LATS1: variants seen among roughly 807,000 people sequenced by gnomAD.
LATS1 encodes large tumor suppressor kinase 1.
A neutral mutation model predicts 106.6 loss-of-function variants in LATS1; 25 were observed. The observed-to-expected ratio is 0.23, with a 90% CI of 0.17 to 0.33. LATS1 has a LOEUF of 0.33. LATS1 is among the 10% of genes least tolerant of loss of function. The probability of loss-of-function intolerance (pLI) is 1.00; values close to 1 mark genes in which losing one functional copy is unlikely to be tolerated. For missense variants in LATS1, 1,040 were observed against 1,382.6 expected (o/e 0.75, Z 3.93); for synonymous variants, 465 against 455.6 (o/e 1.02, Z -0.26).
rs764538353 is a variant in LATS1 at position 149,684,273 on chromosome 6, A to C, written c.816T>G (p.Ser272=). Residue 272 remains serine (S), a synonymous_variant, in exon 4 of 8, where the codon TCT becomes TCG. Transcript: ENST00000543571. ...TGTTTCCAGAATAGCGCTTTGTTTG[A>C]GAGTTTGGTTCCCATGAAGGGGGAG... ...TPPPPSWEPN[S]QTKRYSGNME... is the part of the protein sequence containing the mutation. The C allele has an allele frequency of 6.2e-7, 1 of 1,613,706 alleles. No individual in the cohort carries two copies. Among genetic ancestry groups the C allele is most frequent in the Non-Finnish European group, 8.5e-7 (1 of 1,179,946 alleles).
intron 7 of LATS1, among the ~76,000 whole-genome samples, chr6:149,674,093 A>G (rs987026611): frequency 2.0e-5 from 3 of 150,834 alleles, no homozygotes; most frequent in African/African-American, 7.3e-5. Context: ...TGTTTTTTTT[A>G]GACAGAGTTT....
chr6:149,699,813 T>C (rs1406282483), intron 2 of LATS1, among the ~76,000 whole-genome samples: 3 of 152,344 alleles, frequency 2.0e-5, no homozygotes, highest in Non-Finnish European at 4.4e-5. Context: ...GCACACATAG[T>C]AAGAACTCCA....
At chr6:149,680,903 C>T (rs1782001974) in intron 4 of LATS1, among the ~76,000 whole-genome samples, 1 of 152,066 alleles carries the variant, frequency 6.6e-6, no homozygotes. Context: ...TCTTCCACTC[C>T]AGGCTCATTT....
chr6:149,690,034 T>G (rs1414699174), intron 3 of LATS1, among the ~76,000 whole-genome samples: 1 of 151,832 alleles, frequency 6.6e-6, no homozygotes, highest in Non-Finnish European at 1.5e-5. Context: ...CAAAGTGTTA[T>G]CTGGTGCTGG....
At chr6:149,663,528 T>A (rs1404374409) in intron 7 of LATS1, among the ~76,000 whole-genome samples, 1 of 152,162 alleles carries the variant, frequency 6.6e-6, no homozygotes, top group Non-Finnish European at 1.5e-5. Context: ...TCAATAAATA[T>A]TTTTTAAAAA....
At chr6:149,699,454 C>T (rs943506084) in intron 2 of LATS1, among the ~76,000 whole-genome samples, 2 of 151,026 alleles carry the variant, frequency 1.3e-5, no homozygotes, top group Non-Finnish European at 2.9e-5. Flanking sequence ...TGCATTTTGA[C>T]ATTAAAGTTT....
At chr6:149,716,891 A>C (rs1187305533) in intron 1 of LATS1, among the ~76,000 whole-genome samples, 1 of 152,204 alleles carries the variant, frequency 6.6e-6, no homozygotes, top group Non-Finnish European at 1.5e-5. Context: ...ATAATGTCCT[A>C]CCTTTTCTTC....
intron 5 of LATS1, among the ~76,000 whole-genome samples, chr6:149,677,947 G>C (rs1322375681): frequency 1.3e-5 from 2 of 151,368 alleles, no homozygotes; most frequent in Admixed American, 1.3e-4. Context: ...TTGAGCCCAG[G>C]AGATGGAGGT....
In LATS1 at chr6:149,695,179, T is replaced by C. The variant is rs147326739; in HGVS notation, c.391A>G (p.Ile131Val). ...CTAATGAATTCAATTGCTGCTTCTA[T>C]ACTTCTGTTGTTAGTTTTCTGAAGA... ...QALQKTNNRS[I>V]EAAIEFISKM... Residue 131 changes from isoleucine to valine, a missense_variant, in exon 3 of 8, where the codon ATA becomes GTA. Around this residue, in one of 7 missense-constraint regions of LATS1, gnomAD observed 624 missense variants for 714.8 expected, o/e 0.87. Transcript: ENST00000543571. 557 of 1,610,898 alleles carry C rather than the reference T, an allele frequency of 3.5e-4. 3 individuals carry two copies. The highest frequency in any genetic ancestry group is 1.3e-3 in the Admixed American group (76 of 59,890).
At chr6:149,694,060 A>C (rs1251029321) in intron 3 of LATS1, among the ~76,000 whole-genome samples, 1 of 152,220 alleles carries the variant, frequency 6.6e-6, no homozygotes, top group African/African-American at 2.4e-5. Flanking sequence ...ACTGTACTCC[A>C]GCCTGGGCAA....
At chr6:149,677,298 A>G (rs1781774000) in intron 5 of LATS1, among the ~76,000 whole-genome samples, 1 of 152,220 alleles carries the variant, frequency 6.6e-6, no homozygotes, top group African/African-American at 2.4e-5. Context: ...TAAAAAAACA[A>G]GAAGGACTCA....
At chr6:149,669,682 C>T (rs1042387699) in intron 7 of LATS1, among the ~76,000 whole-genome samples, 1 of 151,740 alleles carries the variant, frequency 6.6e-6, no homozygotes, top group Non-Finnish European at 1.5e-5. Flanking sequence ...AATCTTGAAC[C>T]CGGGAGGCAG....
At position 149,669,716 on chromosome 6, in the gene LATS1, G is replaced by A. The variant is rs549108143; in HGVS notation, c.2883+6544C>T. On this transcript the variant is annotated intron_variant, in intron 7 of 7. Coordinates refer to ENST00000543571, the MANE Select transcript of LATS1 (RefSeq NM_004690.4). ...AGAGGTTGCAGTGAGCTGAGATCAC[G>A]ACCCTGCACTCCAGCGTGGGCGACA... 4.6e-5 allele frequency among the ~76,000 whole-genome samples: 7 copies of A among 151,814 alleles called. No homozygotes were observed. In the South Asian group the frequency reaches 1.2e-3, roughly 27 times the overall value.
At chr6:149,666,799 G>A (rs942205532) in intron 7 of LATS1, among the ~76,000 whole-genome samples, 20 of 151,920 alleles carry the variant, frequency 1.3e-4, no homozygotes, top group African/African-American at 2.2e-4. Context: ...AAAATTAGCC[G>A]GGCGTGGTGG....
At chr6:149,678,162 TCCAAAAAA>T (rs1220353876) in intron 5 of LATS1, among the ~76,000 whole-genome samples, 3 of 28,620 alleles carry the variant, frequency 1.0e-4, no homozygotes, top group East Asian at 1.5e-3. Context: ...CTACTAAAAA[TCCAAAAAA>T]AAAAAAAAAA....
rs747603035 is a variant in LATS1, at chr6:149,683,071, G to A, written c.2010+8C>T. ...AAGTATAAAAATGGACATTTTAAAA[G>A]GTTTTACCCGCATCATTTCATTCTC... is the stretch of plus-strand genomic sequence containing the variant. On this transcript the variant is annotated splice_region_variant and intron_variant, in intron 4 of 7. Coordinates refer to ENST00000543571, the MANE Select transcript of LATS1 (RefSeq NM_004690.4). 2.7e-5 allele frequency: 43 copies of A among 1,598,444 alleles called. No homozygotes were observed. The highest frequency in any genetic ancestry group is 3.6e-5 in the Non-Finnish European group (42 of 1,171,842).
intron 1 of LATS1, among the ~76,000 whole-genome samples, chr6:149,712,192 T>TTTTATTTA (rs575504971): frequency 4.6e-5 from 7 of 152,120 alleles, no homozygotes; most frequent in East Asian, 1.9e-4. Context: ...GTCATGTTTC[T>TTTTATTTA]TTTATTTATT....
chr6:149,713,106 A>T (rs1259879199), intron 1 of LATS1, among the ~76,000 whole-genome samples: 1 of 152,128 alleles, frequency 6.6e-6, no homozygotes, highest in East Asian at 1.9e-4. Context: ...CCAAAGAGAG[A>T]ATACTCACCC....
intron 1 of LATS1, among the ~76,000 whole-genome samples, chr6:149,709,385 T>C (rs1382447327): frequency 6.6e-6 from 1 of 152,240 alleles, no homozygotes; most frequent in African/African-American, 2.4e-5. Context: ...CCAAATTATG[T>C]TTCTTTGCCA....
Sources: allele counts gnomAD v4.1 joint callset (sites outside exome capture counted in the v4.1 genomes callset), GRCh38; gene constraint gnomAD v4.1.1; regional missense constraint gnomAD v4.1.1; transcripts MANE v1.5; gene names NCBI Gene and HGNC (gene_info 2026-07-23, HGNC 2026-07-21).